SPOCK1: variants seen among roughly 807,000 people sequenced by gnomAD.
SPOCK1 encodes the protein testican-1.
Under a neutral mutation model 55.3 loss-of-function variants are expected in SPOCK1, and 23 were observed. The ratio of observed to expected loss-of-function variants is 0.42; its 90% confidence interval spans 0.30 to 0.59. The LOEUF (loss-of-function observed/expected upper bound fraction) is 0.59, where lower values mean the gene tolerates loss of function less well. SPOCK1 is among the 20% of genes least tolerant of loss of function. The probability of loss-of-function intolerance (pLI) is 0.22; values close to 1 mark genes in which losing one functional copy is unlikely to be tolerated. For synonymous variants in SPOCK1, 226 were observed against 221.0 expected, an observed-to-expected ratio of 1.02 and a Z score of -0.20; for missense variants, 499 against 552.5, an observed-to-expected ratio of 0.90 and a Z score of 0.97.
At chr5:137,151,157 A>AT (rs4035066) in intron 3 of SPOCK1, among the ~76,000 whole-genome samples, 113 of 149,880 alleles carry the variant, frequency 7.5e-4, no homozygotes, top group African/African-American at 2.3e-3. Flanking sequence ...GTATTTTGTA[A>AT]TTTTTTTTTT....
intron 2 of SPOCK1, among the ~76,000 whole-genome samples, chr5:137,350,486 G>A (rs972983619): frequency 2.0e-5 from 3 of 152,158 alleles, no homozygotes; most frequent in African/African-American, 7.2e-5. Flanking sequence ...ATCTGGGAGA[G>A]GGATGAACTC....
At chr5:136,989,244 A>G (rs765172541) in intron 7 of SPOCK1, among the ~76,000 whole-genome samples, 3 of 152,224 alleles carry the variant, frequency 2.0e-5, no homozygotes, top group Non-Finnish European at 4.4e-5. Context: ...CAACTCAGAC[A>G]ATAATTTCTT....
At chr5:136,988,692 C>T in intron 7 of SPOCK1, 49 bp from the exon 8 acceptor site, 2 of 1,542,826 alleles carry the variant, frequency 1.3e-6, no homozygotes, top group Non-Finnish European at 1.8e-6. Context: ...TGATGCTTTC[C>T]TCCCTGCTCA....
intron 3 of SPOCK1, among the ~76,000 whole-genome samples, chr5:137,153,521 C>T (rs1272791130): frequency 6.6e-6 from 1 of 152,062 alleles, no homozygotes; most frequent in African/African-American, 2.4e-5. Flanking sequence ...TCTTAAGGAA[C>T]TCATGACCTA....
At chr5:137,234,591 A>T (rs1756139324) in intron 3 of SPOCK1, among the ~76,000 whole-genome samples, 1 of 152,202 alleles carries the variant, frequency 6.6e-6, no homozygotes, top group Non-Finnish European at 1.5e-5. Flanking sequence ...GTATCTTTTT[A>T]AAAGTTAGGG....
At chr5:137,267,248 A>G (rs1238477187) in intron 2 of SPOCK1, among the ~76,000 whole-genome samples, 193 bp from the exon 3 acceptor site, 5 of 152,218 alleles carry the variant, frequency 3.3e-5, no homozygotes, top group African/African-American at 1.2e-4. Flanking sequence ...TGTCTTTCAA[A>G]CCGTATGTAT....
intron 3 of SPOCK1, among the ~76,000 whole-genome samples, chr5:137,167,985 A>G (rs1424602284): frequency 6.6e-6 from 1 of 152,108 alleles, no homozygotes; most frequent in Non-Finnish European, 1.5e-5. Flanking sequence ...TCAGAGCATA[A>G]ATAAATGAAA....
chr5:137,246,347 T>A (rs559041417), intron 3 of SPOCK1, among the ~76,000 whole-genome samples: 2 of 152,370 alleles, frequency 1.3e-5, no homozygotes, highest in African/African-American at 4.8e-5. Flanking sequence ...GTAAACTGTC[T>A]GCCATCTATT....
intron 6 of SPOCK1, among the ~76,000 whole-genome samples, chr5:137,010,604 C>T (rs775253457): frequency 2.0e-5 from 3 of 152,138 alleles, no homozygotes; most frequent in Non-Finnish European, 4.4e-5. Context: ...TCACTCCAGC[C>T]TCCAGTTCCC....
At position 137,423,484 on chromosome 5, in the gene SPOCK1, C is replaced by T. The variant is rs540613364; in HGVS notation, c.186+74889G>A. 2.2e-4 allele frequency among the ~76,000 whole-genome samples: 34 copies of T among 152,330 alleles called. No individual in the cohort carries two copies. In the South Asian group the frequency reaches 4.8e-3, roughly 21 times the overall value. On this transcript the variant is annotated intron_variant, in intron 2 of 10. Coordinates refer to ENST00000394945, the MANE Select transcript of SPOCK1 (RefSeq NM_004598.4). ...TTACCTACTCAAGCCTCGGCAATGG[C>T]GGGTGCTTCTCCCCCAGCCTCGCTG...
At chr5:137,224,085 G>C (rs183857228) in intron 3 of SPOCK1, among the ~76,000 whole-genome samples, 47 of 152,300 alleles carry the variant, frequency 3.1e-4, no homozygotes, top group African/African-American at 1.0e-3. Context: ...CTCTCCAAGG[G>C]AGAGGCTGGT....
intron 5 of SPOCK1, among the ~76,000 whole-genome samples, chr5:137,077,402 G>T (rs918643795): frequency 5.3e-5 from 8 of 152,332 alleles, no homozygotes; most frequent in African/African-American, 1.9e-4. Context: ...AGAACAGGAG[G>T]TGCCCTGCTG....
At chr5:137,155,062 A>G (rs1001895236) in intron 3 of SPOCK1, among the ~76,000 whole-genome samples, 3 of 152,230 alleles carry the variant, frequency 2.0e-5, no homozygotes, top group African/African-American at 7.2e-5. Flanking sequence ...TATGGTGGTC[A>G]GGAGGACTGG....
chr5:137,295,021 C>G (rs571008186), intron 2 of SPOCK1, among the ~76,000 whole-genome samples: 2 of 152,270 alleles, frequency 1.3e-5, no homozygotes, highest in African/African-American at 4.8e-5. Context: ...GGATTCATCA[C>G]TCATTTATTG....
chr5:137,244,239 C>T (rs1305305085), intron 3 of SPOCK1, among the ~76,000 whole-genome samples: 2 of 152,164 alleles, frequency 1.3e-5, no homozygotes, highest in African/African-American at 2.4e-5. Context: ...AAAGAGTCTG[C>T]TAGTGGCACA....
intron 2 of SPOCK1, among the ~76,000 whole-genome samples, chr5:137,485,854 T>C (rs151135317): frequency 7.4e-4 from 112 of 152,316 alleles, no homozygotes; most frequent in African/African-American, 2.4e-3. Flanking sequence ...TAGAAGTCAG[T>C]GACTGCCAGG....
intron 2 of SPOCK1, among the ~76,000 whole-genome samples, chr5:137,432,022 AGT>A (rs1752756773): frequency 6.6e-6 from 1 of 152,240 alleles, no homozygotes; most frequent in African/African-American, 2.4e-5. Context: ...ATAATCATTA[AGT>A]AAATGCAAAT....
chr5:137,112,428 A>C lies in SPOCK1; in HGVS notation c.474+7T>G. The C allele has an allele frequency of 6.2e-7, 1 of 1,610,456 alleles. No individual in the cohort carries two copies. On this transcript the variant is annotated splice_region_variant and intron_variant, in intron 5 of 10. Coordinates refer to ENST00000394945, the MANE Select transcript of SPOCK1 (RefSeq NM_004598.4). The stretch of plus-strand genomic sequence containing the variant: ...TTTTGATAACATAAAAAGACAAGAA[A>C]ACCAACCTTGGATGTGTAGGAGTGG...
chr5:137,066,258 C>T (rs1244878596), intron 6 of SPOCK1, among the ~76,000 whole-genome samples: 5 of 152,198 alleles, frequency 3.3e-5, no homozygotes, highest in Non-Finnish European at 5.9e-5. Flanking sequence ...CCTGCCTCAG[C>T]CCCCTGAGTA....
Sources: gnomAD v4.1 joint callset for allele counts (sites outside exome capture counted in the v4.1 genomes callset) on GRCh38, gnomAD v4.1.1 for gene constraint, MANE v1.5 for transcripts, NCBI Gene and HGNC (gene_info 2026-07-23, HGNC 2026-07-21) for gene names.